RASSF8: variants seen among roughly 807,000 people sequenced by gnomAD.
RASSF8 encodes ras association domain-containing protein 8.
RASSF8 carries 22 observed loss-of-function variants against 48.5 expected under a neutral mutation model. The observed-to-expected ratio is 0.45, with a 90% confidence interval of 0.32 to 0.65. The LOEUF is 0.65. RASSF8 is among the 30% of genes least tolerant of loss of function. The probability of loss-of-function intolerance (pLI) is 0.03; values close to 1 mark genes in which losing one functional copy is unlikely to be tolerated. For missense variants in RASSF8, 418 were observed against 489.2 expected (o/e 0.85, Z 1.37); for synonymous variants, 127 against 171.5 (o/e 0.74, Z 2.03).
chr12:25,982,087 T>C (rs1036146717), intron 1 of RASSF8, among the ~76,000 whole-genome samples: 2 of 152,242 alleles, frequency 1.3e-5, no homozygotes, highest in African/African-American at 4.8e-5. Context: ...ATCTTTTTTT[T>C]TAGAAACTTA....
At chr12:26,026,556 C>T (rs1366019319) in intron 2 of RASSF8, among the ~76,000 whole-genome samples, 1 of 152,138 alleles carries the variant, frequency 6.6e-6, no homozygotes, top group African/African-American at 2.4e-5. Context: ...CTGCCTCAGC[C>T]TCCCAAGTAG....
intron 1 of RASSF8, among the ~76,000 whole-genome samples, chr12:25,963,103 A>G (rs1013551981): frequency 6.6e-6 from 1 of 152,190 alleles, no homozygotes; most frequent in Non-Finnish European, 1.5e-5. Context: ...GGTGCCAGAC[A>G]TCAAAGGAAG....
chr12:26,060,525 A>G (rs551874543), intron 3 of RASSF8, among the ~76,000 whole-genome samples: 2 of 152,338 alleles, frequency 1.3e-5, no homozygotes, highest in South Asian at 4.1e-4. Flanking sequence ...CGTAATATCT[A>G]TACTGCTTAA....
intron 2 of RASSF8, among the ~76,000 whole-genome samples, chr12:25,996,261 G>A (rs1377428416): frequency 6.6e-6 from 1 of 152,142 alleles, no homozygotes; most frequent in Non-Finnish European, 1.5e-5. Context: ...TTGTAATATG[G>A]CCTAAAAAGG....
chr12:25,990,082 T>C (rs1347640389), intron 1 of RASSF8, among the ~76,000 whole-genome samples: 1 of 152,234 alleles, frequency 6.6e-6, no homozygotes, highest in African/African-American at 2.4e-5. Context: ...GTGCCTATTA[T>C]TACTTTTTAA....
In RASSF8 at chr12:26,070,594, T is replaced by C. The variant is rs962341366; in HGVS notation, c.*1776T>C. On this transcript the variant is annotated 3_prime_UTR_variant, in exon 6 of 6. Coordinates refer to ENST00000689635, the MANE Select transcript of RASSF8 (RefSeq NM_001394098.1). ...CTCACAATTTATAGTAGTTATTTTC[T>C]ATCTACCTATATTTAAAATTAGGAT... 36 of 963,552 alleles carry C rather than the reference T, an allele frequency of 3.7e-5. No homozygotes were observed. The highest frequency in any genetic ancestry group is 4.4e-5 in the Non-Finnish European group (36 of 810,084). 59.7% of individuals were successfully genotyped at this position (963,552 alleles called of 1,614,324 possible). A position where few individuals can be genotyped will look rare whatever the true frequency, so the allele number is the denominator to read the frequency against.
intron 1 of RASSF8, among the ~76,000 whole-genome samples, chr12:25,974,501 T>G (rs1941559479): frequency 1.6e-5 from 1 of 60,922 alleles, no homozygotes; most frequent in Non-Finnish European, 5.2e-5. Context: ...AAATACCTTT[T>G]TTTTTTTTTT....
chr12:26,069,900 G>T lies in RASSF8; in HGVS notation c.*1082G>T, dbSNP rs376612699. The T allele has an allele frequency of 1.0e-6, 1 of 981,984 alleles. No individual in the cohort carries two copies. 60.8% of individuals were successfully genotyped at this position (981,984 alleles called of 1,614,324 possible). On this transcript the variant is annotated 3_prime_UTR_variant, in exon 6 of 6. Coordinates refer to ENST00000689635, the MANE Select transcript of RASSF8 (RefSeq NM_001394098.1). The stretch of plus-strand genomic sequence containing the variant: ...TTAAACCTAGGTACTTTTTAGCAAG[G>T]ATATAAAGTCAAATTCAGCATATGT...
At chr12:25,967,869 T>TAG (rs1941394058) in intron 1 of RASSF8, among the ~76,000 whole-genome samples, 1 of 152,182 alleles carries the variant, frequency 6.6e-6, no homozygotes, top group Non-Finnish European at 1.5e-5. Context: ...GAACTGGAGT[T>TAG]AGAGACAACC....
intron 2 of RASSF8, among the ~76,000 whole-genome samples, chr12:26,035,600 ATAAT>A (rs1463119995): frequency 7.0e-6 from 1 of 143,844 alleles, no homozygotes; most frequent in Non-Finnish European, 1.5e-5. Flanking sequence ...TATTGTATAC[ATAAT>A]TATATATATA....
intron 2 of RASSF8, among the ~76,000 whole-genome samples, chr12:26,024,078 A>C (rs1040650553): frequency 6.6e-6 from 1 of 152,246 alleles, no homozygotes; most frequent in Non-Finnish European, 1.5e-5. Context: ...AGGTACATAG[A>C]TATTGTCTTA....
At chr12:26,044,771 G>T (rs1256497792) in intron 2 of RASSF8, among the ~76,000 whole-genome samples, 1 of 152,106 alleles carries the variant, frequency 6.6e-6, no homozygotes, top group African/African-American at 2.4e-5. Context: ...CCAGTAGTAT[G>T]AAACACTCAT....
intron 2 of RASSF8, among the ~76,000 whole-genome samples, chr12:26,052,105 A>G (rs7969481): frequency 6.6e-6 from 1 of 152,220 alleles, no homozygotes; most frequent in Admixed American, 6.5e-5. Context: ...TGTGTCAGCT[A>G]AAAACTTTCA....
chr12:25,991,617 G>A (rs1040722777), intron 1 of RASSF8, among the ~76,000 whole-genome samples: 1 of 152,104 alleles, frequency 6.6e-6, no homozygotes, highest in East Asian at 1.9e-4. Context: ...ACAAATTTGC[G>A]CTGGTTGTTG....
chr12:25,984,224 C>CTTTTTTTTTTTTTTTTTTTT, intron 1 of RASSF8, among the ~76,000 whole-genome samples: 1 of 86,734 alleles, frequency 1.2e-5, no homozygotes, highest in Non-Finnish European at 2.2e-5. Flanking sequence ...CTACACGTAG[C>CTTTTTTTTTTTTTTTTTTTT]TTTTTTTTTT....
chr12:26,055,508 TGTTTTAAA>T, intron 3 of RASSF8, 62 bp downstream of exon 3: 2 of 1,335,966 alleles, frequency 1.5e-6, no homozygotes, highest in Non-Finnish European at 2.2e-6. Flanking sequence ...TGTATGTGTT[TGTTTTAAA>T]TATAGATTTC....
chr12:26,030,757 G>T (rs1208079558), intron 2 of RASSF8, among the ~76,000 whole-genome samples: 1 of 151,848 alleles, frequency 6.6e-6, no homozygotes, highest in African/African-American at 2.4e-5. Context: ...ACAAAGTTAG[G>T]ACTTAAAAAG....
chr12:26,016,900 C>T (rs1042397143), intron 2 of RASSF8, among the ~76,000 whole-genome samples: 1 of 152,004 alleles, frequency 6.6e-6, no homozygotes, highest in Non-Finnish European at 1.5e-5. Flanking sequence ...CTTTTCATTT[C>T]TAGTGGTTTG....
intron 2 of RASSF8, among the ~76,000 whole-genome samples, chr12:26,013,457 TTCTTTAAA>T (rs1475670620): frequency 1.3e-5 from 2 of 152,226 alleles, no homozygotes; most frequent in African/African-American, 4.8e-5. Context: ...AGTCCGCTGA[TTCTTTAAA>T]TCCTGTGTCC....
Sources: gnomAD v4.1 joint callset for allele counts (sites outside exome capture counted in the v4.1 genomes callset) on GRCh38, gnomAD v4.1.1 for gene constraint, MANE v1.5 for transcripts, NCBI Gene and HGNC (gene_info 2026-07-23, HGNC 2026-07-21) for gene names.